The following DIAPH1 variants were observed in gnomAD, a reference collection of about 807,000 sequenced individuals.
DIAPH1 encodes protein diaphanous homolog 1.
In DIAPH1, 46 loss-of-function variants were observed where a neutral mutation model predicts 140.7. The ratio of observed to expected loss-of-function variants is 0.33; its 90% confidence interval spans 0.26 to 0.42. DIAPH1 has a LOEUF of 0.42. DIAPH1 is among the 10% of genes least tolerant of loss of function. The pLI is 1.00. For synonymous variants in DIAPH1, 565 were observed against 551.6 expected, an observed-to-expected ratio of 1.02 and a Z score of -0.34; for missense variants, 1,310 against 1,558.7, an observed-to-expected ratio of 0.84 and a Z score of 2.69.
chr5:141,588,747 T>C (rs1156468623), intron 1 of DIAPH1, among the ~76,000 whole-genome samples: 1 of 152,214 alleles, frequency 6.6e-6, no homozygotes, highest in Non-Finnish European at 1.5e-5. Context: ...GCACATGTAC[T>C]ACAACGCAAC....
intron 3 of DIAPH1, among the ~76,000 whole-genome samples, chr5:141,584,706 C>G (rs762631233): frequency 1.3e-5 from 2 of 152,150 alleles, no homozygotes; most frequent in Admixed American, 6.5e-5. Context: ...GAAGAAAGAA[C>G]TGGAAACTCT....
intron 18 of DIAPH1, among the ~76,000 whole-genome samples, chr5:141,551,954 C>T (rs188333212): frequency 1.6e-4 from 25 of 152,254 alleles, no homozygotes; most frequent in Admixed American, 1.6e-3. Flanking sequence ...GAGCACCTAC[C>T]AGAATGCAAT....
intron 18 of DIAPH1, among the ~76,000 whole-genome samples, chr5:141,558,884 T>TA (rs2099893075): frequency 7.2e-6 from 1 of 139,280 alleles, no homozygotes; most frequent in African/African-American, 2.7e-5. Context: ...TGGCAACACA[T>TA]ACAACACAGG....
chr5:141,516,380 G>A lies in DIAPH1; in HGVS notation c.*471C>T. The A allele has an allele frequency of 4.9e-6, 1 of 202,440 alleles. No homozygotes were observed. The highest frequency in any genetic ancestry group is 1.0e-5 in the Non-Finnish European group (1 of 97,108). The allele number at this position is 202,440 out of a possible 1,614,324, so 12.5% of individuals were successfully genotyped here. On this transcript the variant is annotated 3_prime_UTR_variant, in exon 28 of 28. Coordinates refer to ENST00000389054, the MANE Select transcript of DIAPH1 (RefSeq NM_005219.5). ...AGGAGAGGGAAGAGCAGAGACAACA[G>A]CAATGAAAGGAGGGATCTAGCCCAA...
chr5:141,573,747 G>C lies in DIAPH1; in HGVS notation c.2103C>G (p.Pro701=), dbSNP rs373613867. Reference sequence around the variant, plus strand: ...CTCCAGGCAAGGGAGGAGGTGGGGGGGGAATTCCAGCACTCCCAGGCAAAG... The same window carrying C: ...CTCCAGGCAAGGGAGGAGGTGGGGGCGGAATTCCAGCACTCCCAGGCAAAG... ...PPPLPGSAGI[P]PPPPPLPGEA... is the part of the protein sequence containing the mutation. Residue 701 remains proline, a synonymous_variant, in exon 16 of 28, where the codon CCC becomes CCG. Transcript: ENST00000389054. The C allele has an allele frequency of 2.8e-5, 39 of 1,417,766 alleles. No individual in the cohort carries two copies. The highest frequency in any genetic ancestry group is 1.2e-5 in the South Asian group (1 of 80,764). The allele number at this position is 1,417,766 out of a possible 1,614,324, so 87.8% of individuals were successfully genotyped here. A position where few individuals can be genotyped will look rare whatever the true frequency, so the allele number is the denominator to read the frequency against.
At chr5:141,576,948 G>GT (rs1656835708) in intron 12 of DIAPH1, 77 bp from the exon 13 acceptor site, 1 of 914,136 alleles carries the variant, frequency 1.1e-6, no homozygotes, top group Non-Finnish European at 1.8e-6. Context: ...CCAAGAAAAC[G>GT]TAATTGCTCT....
At chr5:141,524,620 T>C (rs986550780) in intron 26 of DIAPH1, 12 of 330,668 alleles carry the variant, frequency 3.6e-5, no homozygotes, top group Admixed American at 2.1e-4. Flanking sequence ...GTGTTTTGCC[T>C]GGTTAGGTTT....
chr5:141,526,086 G>A lies in DIAPH1; in HGVS notation c.3526C>T (p.Arg1176Trp), dbSNP rs763106782. The A allele has an allele frequency of 3.1e-6, 5 of 1,613,924 alleles. No homozygotes were observed. The highest frequency in any genetic ancestry group is 1.1e-5 in the South Asian group (1 of 91,072). Residue 1176 changes from arginine (R) to tryptophan (W), a missense_variant, in exon 26 of 28, where the codon CGG becomes TGG. Arg to Trp is a moderately radical substitution (Grantham distance 101, BLOSUM62 -3). Coordinates refer to ENST00000389054, the MANE Select transcript of DIAPH1 (RefSeq NM_005219.5). The part of the protein sequence containing the change: ...KLAKEKAEKE[R>W]LEKQQKREQL... ...TCTCTCTTCTGCTGCTTCTCTAGCC[G>A]CTCCTTCTCTGCCTTCTCCTTGGCT...
chr5:141,604,754 C>T (rs538471394), intron 1 of DIAPH1, among the ~76,000 whole-genome samples: 10 of 152,200 alleles, frequency 6.6e-5, no homozygotes, highest in Non-Finnish European at 1.5e-4. Context: ...CCTACCCCTA[C>T]TGACAACCGC....
chr5:141,559,164 G>C (rs1217735225), intron 18 of DIAPH1, among the ~76,000 whole-genome samples: 1 of 150,778 alleles, frequency 6.6e-6, no homozygotes, highest in Non-Finnish European at 1.5e-5. Context: ...CAGTAAGAGG[G>C]TCTTAATGTT....
At position 141,524,164 on chromosome 5, in the gene DIAPH1, G is replaced by A; in HGVS notation, c.3640C>T (p.Arg1214Trp). 7 of 1,614,076 alleles carry A rather than the reference G, an allele frequency of 4.3e-6. No individual in the cohort carries two copies. The highest frequency in any genetic ancestry group is 5.1e-6 in the Non-Finnish European group (6 of 1,179,992). ...EALQSGAAFR[R>W]KRGPRQANRK... ...TTACCTTGACGGGGCCCTCTCTTCC[G>A]TCGGAATGCTGCCCCTGACTGCAGG... The change falls in exon 27 of 28, where the codon CGG (arginine) becomes TGG (tryptophan). Residue 1214 changes from arginine (R) to tryptophan (W), a missense_variant. Transcript: ENST00000389054.
chr5:141,576,911 A>C (rs1363873865), intron 12 of DIAPH1, 40 bp from the exon 13 acceptor site: 1 of 1,253,646 alleles, frequency 8.0e-7, no homozygotes, highest in Non-Finnish European at 1.2e-6. Context: ...AGGAAAATCA[A>C]AATATAATTT....
chr5:141,529,368 C>A, intron 20 of DIAPH1, 95 bp from the exon 21 acceptor site: 1 of 1,071,742 alleles, frequency 9.3e-7, no homozygotes. Flanking sequence ...ACACTCTGCT[C>A]AAGGACCATA....
At chr5:141,615,062 A>G (rs2099902460) in intron 1 of DIAPH1, among the ~76,000 whole-genome samples, 2 of 152,210 alleles carry the variant, frequency 1.3e-5, no homozygotes. Context: ...CATTTAGAAG[A>G]CCGTGTAACT....
chr5:141,558,010 G>C (rs577896170), intron 18 of DIAPH1, among the ~76,000 whole-genome samples: 35 of 152,268 alleles, frequency 2.3e-4, no homozygotes, highest in African/African-American at 8.2e-4. Context: ...GGGAGTGCCA[G>C]ACAGTAAAGC....
In DIAPH1 at chr5:141,588,204, G is replaced by A; in HGVS notation, c.144+20C>T. On this transcript the variant is annotated intron_variant, in intron 2 of 27. Coordinates refer to ENST00000389054, the MANE Select transcript of DIAPH1 (RefSeq NM_005219.5). ...AGGCAATGAGCTAGAACATGCACAT[G>A]CTAAACAAAATGTCCTTACCTCATC... The A allele has an allele frequency of 1.2e-6, 2 of 1,604,270 alleles. No homozygotes were observed. The highest frequency in any genetic ancestry group is 1.7e-6 in the Non-Finnish European group (2 of 1,171,168).
intron 3 of DIAPH1, among the ~76,000 whole-genome samples, chr5:141,586,540 A>G (rs940512648): frequency 6.6e-6 from 1 of 152,222 alleles, no homozygotes; most frequent in African/African-American, 2.4e-5. Flanking sequence ...TCACATGCAC[A>G]TATACTTTGT....
chr5:141,536,711 G>C (rs1250014301), intron 18 of DIAPH1, among the ~76,000 whole-genome samples: 2 of 152,082 alleles, frequency 1.3e-5, no homozygotes, highest in African/African-American at 4.8e-5. Flanking sequence ...CAGGGGAAAG[G>C]GGCAAAAGCA....
intron 27 of DIAPH1, among the ~76,000 whole-genome samples, chr5:141,521,687 G>GT (rs576945148): frequency 1.1e-3 from 173 of 152,254 alleles, no homozygotes; most frequent in African/African-American, 3.7e-3. Context: ...CAGTGCCTCT[G>GT]TTTTTTTAGC....
Sources: gnomAD v4.1 joint callset for allele counts (sites outside exome capture counted in the v4.1 genomes callset) on GRCh38, gnomAD v4.1.1 for gene constraint, MANE v1.5 for transcripts, NCBI Gene and HGNC (gene_info 2026-07-23, HGNC 2026-07-21) for gene names.